The following SP4 variants were observed in gnomAD, a reference collection of about 807,000 sequenced individuals.
The protein encoded by SP4 is Sp4 transcription factor.
In SP4, 19 loss-of-function variants were observed where a neutral mutation model predicts 72.8. The ratio of observed to expected loss-of-function variants is 0.26; its 90% CI spans 0.18 to 0.38. The LOEUF (loss-of-function observed/expected upper bound fraction) is 0.38. SP4 is among the 10% of genes least tolerant of loss of function. The probability of loss-of-function intolerance (pLI) is 1.00; values close to 1 mark genes in which losing one functional copy is unlikely to be tolerated. For missense variants in SP4, 1,008 were observed against 926.3 expected, an observed-to-expected ratio of 1.09 and a Z score of -1.14; for synonymous variants, 395 against 333.1, an observed-to-expected ratio of 1.19 and a Z score of -2.02.
At chr7:21,429,183 A>T in intron 2 of SP4, 106 bp from the exon 3 acceptor site, 2 of 632,488 alleles carry the variant, frequency 3.2e-6, no homozygotes, top group East Asian at 2.7e-5. Flanking sequence ...CTAAATTGTT[A>T]TGTAGAGCTG....
intron 3 of SP4, among the ~76,000 whole-genome samples, chr7:21,460,689 C>T (rs1400605538): frequency 3.3e-5 from 5 of 152,294 alleles, no homozygotes; most frequent in Admixed American, 6.5e-5. Context: ...CATTTTGACA[C>T]GGTGCTGATT....
chr7:21,455,529 C>T lies in SP4; in HGVS notation c.1679-21550C>T, dbSNP rs139428248. 3.9e-5 allele frequency among the ~76,000 whole-genome samples: 6 copies of T among 152,232 alleles called. No individual in the cohort carries two copies. In the East Asian group the frequency reaches 1.2e-3, roughly 29 times the overall value. ...TATCCTGAATAGGACATCCCCCATT[C>T]GTCCTTAGGGTTCCATAATGAACTG... is the stretch of plus-strand genomic sequence containing the variant. On this transcript the variant is annotated intron_variant, in intron 3 of 5. Coordinates refer to ENST00000222584, the MANE Select transcript of SP4 (RefSeq NM_003112.5).
chr7:21,484,706 G>A (rs1194463931), intron 5 of SP4, among the ~76,000 whole-genome samples: 1 of 151,730 alleles, frequency 6.6e-6, no homozygotes, highest in Non-Finnish European at 1.5e-5. Context: ...ATTAGCAGTG[G>A]GATAAATTAG....
Position 21,466,397 on chromosome 7 carries a change from T to C in SP4, c.1679-10682T>C, listed in dbSNP as rs975862518. On this transcript the variant is annotated intron_variant, in intron 3 of 5. Transcript: ENST00000222584. ...TAACATTCCTCTTGAGTGTTTATCA[T>C]ATTCCAGACATTATGCTAAGACGTG... is the stretch of plus-strand genomic sequence containing the variant. Among the ~76,000 whole-genome samples the C allele has an allele frequency of 1.1e-4, 16 of 152,168 alleles. 1 individual carries two copies. The highest frequency in any genetic ancestry group is 1.2e-4 in the Non-Finnish European group (8 of 68,004).
At chr7:21,436,712 AT>A (rs367725445) in intron 3 of SP4, among the ~76,000 whole-genome samples, 4 of 152,300 alleles carry the variant, frequency 2.6e-5, no homozygotes, top group African/African-American at 9.6e-5. Flanking sequence ...AATGCTTGTC[AT>A]TTTGCTACCT....
intron 3 of SP4, among the ~76,000 whole-genome samples, chr7:21,444,361 A>G (rs1466623065): frequency 6.6e-6 from 1 of 152,218 alleles, no homozygotes; most frequent in Non-Finnish European, 1.5e-5. Context: ...CTGCACGTTT[A>G]TAGTATACCA....
At chr7:21,499,735 A>C (rs906272334) in intron 5 of SP4, among the ~76,000 whole-genome samples, 13 of 152,364 alleles carry the variant, frequency 8.5e-5, no homozygotes, top group Non-Finnish European at 1.6e-4. Context: ...TCTTGAAATT[A>C]ATTTTAATTT....
chr7:21,458,373 A>G (rs1026122450), intron 3 of SP4, among the ~76,000 whole-genome samples: 2 of 152,118 alleles, frequency 1.3e-5, no homozygotes, highest in Admixed American at 1.3e-4. Context: ...TTGTAAAGAC[A>G]AGGTTTCACC....
At chr7:21,481,049 G>A (rs1784670673) in intron 4 of SP4, among the ~76,000 whole-genome samples, 1 of 152,158 alleles carries the variant, frequency 6.6e-6, no homozygotes, top group South Asian at 2.1e-4. Context: ...TTCTCAACTG[G>A]CCTCTCCTGG....
Position 21,430,448 on chromosome 7 carries a change from A to G in SP4, c.1283A>G (p.Gln428Arg). ...ATTCCACCACAGTCGTTTCAACTCC[A>G]GTCAGGGCAGACGATTCAGACCATC... ...QAIPPQSFQL[Q>R]SGQTIQTIQQ... is the part of the protein sequence containing the mutation. Residue 428 changes from glutamine to arginine, a missense_variant, in exon 3 of 6, where the codon CAG (glutamine) becomes CGG (arginine). Gln to Arg is a conservative substitution (Grantham distance 43). This residue lies in a region of SP4 where 893 missense variants were observed against 743.3 expected (regional missense o/e 1.20). Coordinates refer to ENST00000222584, the MANE Select transcript of SP4 (RefSeq NM_003112.5). The G allele has an allele frequency of 6.2e-7, 1 of 1,614,204 alleles. No homozygotes were observed. Among genetic ancestry groups the G allele is most frequent in the Non-Finnish European group, 8.5e-7 (1 of 1,180,042 alleles).
chr7:21,444,556 T>TA (rs1486473128), intron 3 of SP4, among the ~76,000 whole-genome samples: 1 of 152,324 alleles, frequency 6.6e-6, no homozygotes, highest in East Asian at 1.9e-4. Context: ...TATTACCACT[T>TA]ACTGCCCTGA....
chr7:21,481,480 T>G (rs186137019), intron 4 of SP4, among the ~76,000 whole-genome samples: 1 of 152,326 alleles, frequency 6.6e-6, no homozygotes, highest in Non-Finnish European at 1.5e-5. Context: ...AGACTTTAAA[T>G]GGTATTTTTT....
intron 5 of SP4, among the ~76,000 whole-genome samples, chr7:21,490,745 C>G (rs1583439077): frequency 6.6e-6 from 1 of 152,142 alleles, no homozygotes; most frequent in Non-Finnish European, 1.5e-5. Flanking sequence ...AGCACAGACA[C>G]AAAGAACCAC....
intron 3 of SP4, among the ~76,000 whole-genome samples, chr7:21,448,622 C>G (rs538773122): frequency 6.6e-6 from 1 of 152,118 alleles, no homozygotes; most frequent in Non-Finnish European, 1.5e-5. Context: ...ATGAAGATAG[C>G]CTGCCTACTA....
chr7:21,489,941 G>A (rs1252467405), intron 5 of SP4, among the ~76,000 whole-genome samples: 1 of 152,148 alleles, frequency 6.6e-6, no homozygotes, highest in African/African-American at 2.4e-5. Context: ...GTGAGCCACA[G>A]TGCCCAGCCC....
chr7:21,508,028 A>G (rs1175101274), intron 5 of SP4, among the ~76,000 whole-genome samples: 1 of 151,262 alleles, frequency 6.6e-6, no homozygotes, highest in Non-Finnish European at 1.5e-5. Flanking sequence ...CTTCTGCACG[A>G]GGTTGCCTGG....
chr7:21,430,338 T>G lies in SP4; in HGVS notation c.1173T>G (p.Asn391Lys). The change falls in exon 3 of 6, where the codon AAT (asparagine) becomes AAG (lysine). Residue 391 changes from asparagine to lysine, a missense_variant. Physicochemically the swap from Asn to Lys is moderately conservative, Grantham distance 94. This residue lies in a region of SP4 where 893 missense variants were observed against 743.3 expected (regional missense o/e 1.20). Coordinates refer to ENST00000222584, the MANE Select transcript of SP4 (RefSeq NM_003112.5). ...NGMQNAQDQS[N>K]SLQQVQIVGQ... ...TGCAGAATGCACAGGATCAATCAAATTCTCTTCAGCAGGTGCAAATTGTAG... is the reference window on the plus strand; with the variant it reads ...TGCAGAATGCACAGGATCAATCAAAGTCTCTTCAGCAGGTGCAAATTGTAG... The G allele has an allele frequency of 6.2e-7, 1 of 1,614,188 alleles. No individual in the cohort carries two copies. The highest frequency in any genetic ancestry group is 8.5e-7 in the Non-Finnish European group (1 of 1,180,046).
chr7:21,484,568 A>G (rs1323487570), intron 5 of SP4, among the ~76,000 whole-genome samples: 4 of 151,928 alleles, frequency 2.6e-5, no homozygotes, highest in Admixed American at 2.6e-4. Flanking sequence ...TCTGTATAGT[A>G]TATACACCAT....
chr7:21,485,655 A>G (rs946686035), intron 5 of SP4, among the ~76,000 whole-genome samples: 4 of 152,140 alleles, frequency 2.6e-5, no homozygotes, highest in South Asian at 4.1e-4. Flanking sequence ...GAAAAACTGT[A>G]TGCAGGCCAG....
Sources: allele counts gnomAD v4.1 joint callset (sites outside exome capture counted in the v4.1 genomes callset), GRCh38; gene constraint gnomAD v4.1.1; regional missense constraint gnomAD v4.1.1; transcripts MANE v1.5; gene names NCBI Gene and HGNC (gene_info 2026-07-23, HGNC 2026-07-21).